Variants in ZZEF1 observed in about 807,000 individuals in gnomAD.
The protein encoded by ZZEF1 is zinc finger ZZ-type and EF-hand domain containing 1.
In ZZEF1, 157 loss-of-function variants were observed where a neutral mutation model predicts 342.8. That is an observed-to-expected ratio of 0.46 (90% confidence interval 0.40 to 0.52). ZZEF1 has a LOEUF of 0.52. ZZEF1 is among the 20% of genes least tolerant of loss of function. The probability of loss-of-function intolerance (pLI) is 0.00; values close to 1 mark genes in which losing one functional copy is unlikely to be tolerated. For missense variants in ZZEF1, 3,480 were observed against 3,725.6 expected (o/e 0.93, Z 1.72); for synonymous variants, 1,505 against 1,429.1 (o/e 1.05, Z -1.20).
At chr17:4,015,145 A>G (rs190017627) in intron 49 of ZZEF1, among the ~76,000 whole-genome samples, 85 of 152,288 alleles carry the variant, frequency 5.6e-4, no homozygotes, top group African/African-American at 1.8e-3. Context: ...GGAAATCAGA[A>G]AGTAGCAGCA....
chr17:4,102,925 T>G (rs992892499), intron 8 of ZZEF1, among the ~76,000 whole-genome samples: 17 of 152,020 alleles, frequency 1.1e-4, no homozygotes, highest in Non-Finnish European at 2.4e-4. Context: ...ATAAATCAAC[T>G]TTTGCTATGA....
chr17:4,095,584 T>C (rs542098643), intron 11 of ZZEF1, among the ~76,000 whole-genome samples: 17 of 152,168 alleles, frequency 1.1e-4, no homozygotes, highest in African/African-American at 3.6e-4. Flanking sequence ...TACCCAGCCA[T>C]TGTGAAGATG....
intron 31 of ZZEF1, among the ~76,000 whole-genome samples, 193 bp from the exon 32 acceptor site, chr17:4,058,348 G>T (rs1022700643): frequency 1.3e-5 from 2 of 152,182 alleles, no homozygotes; most frequent in African/African-American, 2.4e-5. Context: ...ACTCTGAAAA[G>T]TGTAAAGTAA....
chr17:4,027,061 C>T (rs1597780379), intron 42 of ZZEF1, among the ~76,000 whole-genome samples: 1 of 152,236 alleles, frequency 6.6e-6, no homozygotes, highest in East Asian at 1.9e-4. Flanking sequence ...ATGAAGAGCA[C>T]TAGCAATGAA....
intron 1 of ZZEF1, among the ~76,000 whole-genome samples, chr17:4,134,330 A>ATATATATATATTTATATATATT (rs2058714318): frequency 7.0e-6 from 1 of 143,192 alleles, no homozygotes; most frequent in East Asian, 2.0e-4. Flanking sequence ...AAAAGAAAAA[A>ATATATATATATTTATATATATT]TATATATATA....
At chr17:4,106,549 T>C (rs1287832301) in intron 6 of ZZEF1, among the ~76,000 whole-genome samples, 1 of 151,980 alleles carries the variant, frequency 6.6e-6, no homozygotes, top group East Asian at 1.9e-4. Flanking sequence ...AGATGTGCCA[T>C]GAATGTTATG....
At chr17:4,013,367 A>G in intron 52 of ZZEF1, 82 bp downstream of exon 52, 1 of 1,328,756 alleles carries the variant, frequency 7.5e-7, no homozygotes, top group Non-Finnish European at 9.9e-7. Flanking sequence ...CATCAAAGTC[A>G]CCACTAACAG....
At chr17:4,078,399 C>A (rs906409020) in intron 18 of ZZEF1, among the ~76,000 whole-genome samples, 12 of 152,164 alleles carry the variant, frequency 7.9e-5, no homozygotes, top group Non-Finnish European at 1.8e-4. Context: ...TTAAAAAAAT[C>A]ATTATTCATG....
In ZZEF1 at chr17:4,025,127, T is replaced by C; in HGVS notation, c.6893-9A>G. On this transcript the variant is annotated splice_polypyrimidine_tract_variant and intron_variant, in intron 42 of 54. Transcript: ENST00000381638. ...CAGCTGGTAGTCCTTCACTGAAGGGTGACATCAGGCAGAAAAAGAAAGGCA... is the reference window on the plus strand; with the variant it reads ...CAGCTGGTAGTCCTTCACTGAAGGGCGACATCAGGCAGAAAAAGAAAGGCA... The C allele has an allele frequency of 6.2e-7, 1 of 1,613,346 alleles. No homozygotes were observed. Among genetic ancestry groups the C allele is most frequent in the Non-Finnish European group, 8.5e-7 (1 of 1,179,662 alleles).
intron 14 of ZZEF1, 28 bp from the exon 15 acceptor site, chr17:4,086,683 G>A: frequency 6.2e-7 from 1 of 1,611,472 alleles, no homozygotes. Context: ...ACATCAGAGA[G>A]CAAAAGGGCA....
chr17:4,102,318 A>G lies in ZZEF1; in HGVS notation c.1671T>C (p.Asp557=). Residue 557 remains aspartate, a splice_region_variant and synonymous_variant, in exon 9 of 55, where the codon GAT becomes GAC. Transcript: ENST00000381638. ...ENLLVEPWTR[D]GFLTETGKTR... ...GAAACAGACAGACCCACCACTCACC[A>G]TCCCTTGTCCACGGTTCAACAAGGA... The G allele has an allele frequency of 6.2e-7, 1 of 1,613,206 alleles. No homozygotes were observed. Among genetic ancestry groups the G allele is most frequent in the Admixed American group, 1.7e-5 (1 of 59,986 alleles).
At chr17:4,039,977 C>G (rs1429779044) in intron 39 of ZZEF1, among the ~76,000 whole-genome samples, 1 of 152,072 alleles carries the variant, frequency 6.6e-6, no homozygotes. Context: ...TTTACAAAAT[C>G]TTTCTCACAG....
chr17:4,096,064 G>C (rs1315776383), intron 10 of ZZEF1, 85 bp from the exon 11 acceptor site: 1 of 1,412,628 alleles, frequency 7.1e-7, no homozygotes, highest in Non-Finnish European at 9.5e-7. Context: ...AATTCAAACA[G>C]GTTAAAACAA....
Position 4,005,633 on chromosome 17 carries a change from ATC to A in ZZEF1, c.*1255_*1256del, listed in dbSNP as rs1159177861. 1 of 152,314 alleles carries A rather than the reference ATC, an allele frequency of 6.6e-6. No individual in the cohort carries two copies. Among genetic ancestry groups the A allele is most frequent in the Non-Finnish European group, 1.5e-5 (1 of 68,140 alleles). 9.4% of individuals were successfully genotyped at this position (152,314 alleles called of 1,614,324 possible). ...ATCCCTGCAGACCCTGCACAGAGGG[ATC>A]TTCAGAGGCCACGGGGCACACTGGG... On this transcript the variant is annotated 3_prime_UTR_variant, in exon 55 of 55. Coordinates refer to ENST00000381638, the MANE Select transcript of ZZEF1 (RefSeq NM_015113.4).
intron 9 of ZZEF1, among the ~76,000 whole-genome samples, chr17:4,097,564 A>G (rs8065660): frequency 0.17 from 25,070 of 151,364 alleles, 2,129 homozygotes; most frequent in East Asian, 0.18. Flanking sequence ...TGGTCTCTAA[A>G]CTATTTTACA....
chr17:4,015,536 G>A (rs1042966872), intron 49 of ZZEF1, among the ~76,000 whole-genome samples: 5 of 152,190 alleles, frequency 3.3e-5, no homozygotes, highest in East Asian at 3.9e-4. Flanking sequence ...AGGCCAAGGC[G>A]GGTGGATCAC....
intron 46 of ZZEF1, among the ~76,000 whole-genome samples, 173 bp downstream of exon 46, chr17:4,019,496 C>T (rs1489336529): frequency 2.0e-5 from 3 of 152,186 alleles, no homozygotes; most frequent in Non-Finnish European, 4.4e-5. Context: ...GAAGATGATC[C>T]AGGTAACGTA....
At chr17:4,029,874 C>CAAAAA (rs58293642) in intron 42 of ZZEF1, among the ~76,000 whole-genome samples, 7 of 82,270 alleles carry the variant, frequency 8.5e-5, no homozygotes, top group African/African-American at 2.0e-4. Context: ...AACTCCATCT[C>CAAAAA]AAAAAAAAAA....
chr17:4,095,254 C>T (rs1357916281), intron 11 of ZZEF1, among the ~76,000 whole-genome samples: 4 of 152,156 alleles, frequency 2.6e-5, no homozygotes, highest in South Asian at 2.1e-4. Context: ...AGCATAACAA[C>T]ACTTGCTCCA....
Sources: allele counts gnomAD v4.1 joint callset (sites outside exome capture counted in the v4.1 genomes callset), GRCh38; gene constraint gnomAD v4.1.1; transcripts MANE v1.5; gene names NCBI Gene and HGNC (gene_info 2026-07-23, HGNC 2026-07-21).